RNF130: variants seen among roughly 807,000 people sequenced by gnomAD.
RNF130 encodes the protein E3 ubiquitin-protein ligase RNF130.
In RNF130, 21 loss-of-function variants were observed where a neutral mutation model predicts 44.6. The observed-to-expected ratio is 0.47, with a 90% CI of 0.33 to 0.68. The LOEUF is 0.68. RNF130 is among the 30% of genes least tolerant of loss of function. The probability of loss-of-function intolerance (pLI) is 0.02; values close to 1 mark genes in which losing one functional copy is unlikely to be tolerated. For missense variants in RNF130, 479 were observed against 560.6 expected, an observed-to-expected ratio of 0.85 and a Z score of 1.47; for synonymous variants, 214 against 210.4, an observed-to-expected ratio of 1.02 and a Z score of -0.15.
intron 3 of RNF130, among the ~76,000 whole-genome samples, chr5:179,994,279 T>G (rs929605550): frequency 6.6e-6 from 1 of 152,222 alleles, no homozygotes; most frequent in African/African-American, 2.4e-5. Context: ...GGGGATGGCA[T>G]TGAATCTATA....
intron 2 of RNF130, among the ~76,000 whole-genome samples, chr5:180,034,540 T>C (rs928841960): frequency 6.6e-6 from 1 of 152,246 alleles, no homozygotes; most frequent in Non-Finnish European, 1.5e-5. Flanking sequence ...TACTCAGATA[T>C]GCTATTTTTT....
chr5:180,035,193 C>T (rs1439277136), intron 2 of RNF130, among the ~76,000 whole-genome samples: 1 of 152,300 alleles, frequency 6.6e-6, no homozygotes, highest in East Asian at 1.9e-4. Context: ...CTAAGTACTG[C>T]TTTCCCAGCA....
chr5:180,009,693 A>T (rs1340043712), intron 3 of RNF130, among the ~76,000 whole-genome samples: 3 of 152,228 alleles, frequency 2.0e-5, no homozygotes, highest in Admixed American at 6.5e-5. Flanking sequence ...ATATGCACTT[A>T]TCTTAACAGC....
chr5:179,958,094 G>A (rs1762250320), intron 8 of RNF130, among the ~76,000 whole-genome samples: 1 of 152,016 alleles, frequency 6.6e-6, no homozygotes, highest in Non-Finnish European at 1.5e-5. Flanking sequence ...AGCCGGGATG[G>A]TCTCGATCTC....
chr5:179,925,203 T>C (rs2113672245), intron 7 of RNF130, among the ~76,000 whole-genome samples: 1 of 152,310 alleles, frequency 6.6e-6, no homozygotes, highest in East Asian at 1.9e-4. Context: ...AAGGCAGGAC[T>C]AGAGGCCTGG....
intron 3 of RNF130, among the ~76,000 whole-genome samples, chr5:179,989,059 C>T (rs1102190): frequency 0.47 from 71,898 of 152,026 alleles, 18,129 homozygotes; most frequent in African/African-American, 0.67. Flanking sequence ...AACTCAGTTC[C>T]GCATGGCTAA....
At chr5:180,034,203 TA>T (rs564028581) in intron 2 of RNF130, among the ~76,000 whole-genome samples, 26 of 145,726 alleles carry the variant, frequency 1.8e-4, no homozygotes, top group South Asian at 2.2e-4. Flanking sequence ...TTTTCAGATG[TA>T]AAAAAAAAAA....
At chr5:179,937,929 TGTGTGAGAGAGA>T (rs1282855545) in intron 7 of RNF130, among the ~76,000 whole-genome samples, 35 of 134,646 alleles carry the variant, frequency 2.6e-4, no homozygotes, top group African/African-American at 9.8e-4. Context: ...TGTGTGTGTG[TGTGTGAGAGAGA>T]GAGAGAGAGA....
chr5:179,926,188 C>T (rs949547447), intron 7 of RNF130, among the ~76,000 whole-genome samples: 8 of 152,152 alleles, frequency 5.3e-5, no homozygotes, highest in Non-Finnish European at 7.4e-5. Context: ...CAGTGAACTA[C>T]GTAAACTCCA....
At chr5:179,990,170 C>A (rs57008562) in intron 3 of RNF130, among the ~76,000 whole-genome samples, 30,607 of 152,030 alleles carry the variant, frequency 0.2, 3,302 homozygotes, top group Middle Eastern at 0.25. Context: ...GTAGTGGCCC[C>A]GAATGCCTGG....
chr5:179,943,995 G>A (rs1405766531), intron 7 of RNF130, among the ~76,000 whole-genome samples: 4 of 147,934 alleles, frequency 2.7e-5, no homozygotes, highest in East Asian at 2.0e-4. Flanking sequence ...TTTTTGAGAC[G>A]GAGTCTTGCT....
At chr5:180,067,955 A>G (rs1765144986) in intron 1 of RNF130, among the ~76,000 whole-genome samples, 1 of 152,254 alleles carries the variant, frequency 6.6e-6, no homozygotes, top group African/African-American at 2.4e-5. Context: ...ATTTTTAAAC[A>G]TGAAAACCTA....
intron 3 of RNF130, among the ~76,000 whole-genome samples, chr5:180,005,553 C>G (rs1426058902): frequency 1.3e-5 from 2 of 152,226 alleles, no homozygotes; most frequent in Non-Finnish European, 2.9e-5. Flanking sequence ...CAGCTCAACA[C>G]TCACAAGTCT....
chr5:179,946,704 C>A (rs371975250), intron 7 of RNF130, among the ~76,000 whole-genome samples: 2 of 152,026 alleles, frequency 1.3e-5, no homozygotes, highest in African/African-American at 4.8e-5. Context: ...CAGGCGCCCG[C>A]CACCACGCCC....
chr5:179,925,431 C>T (rs1215242057), intron 7 of RNF130, among the ~76,000 whole-genome samples: 1 of 152,212 alleles, frequency 6.6e-6, no homozygotes, highest in African/African-American at 2.4e-5. Context: ...ATGCCTTGCC[C>T]TACGCATCTG....
At chr5:180,054,751 T>C (rs188028649) in intron 1 of RNF130, among the ~76,000 whole-genome samples, 198 of 152,356 alleles carry the variant, frequency 1.3e-3, no homozygotes, top group Non-Finnish European at 2.1e-3. Context: ...TTTCACAGGA[T>C]GGTCTGAATG....
chr5:179,937,003 G>A (rs971451525), intron 7 of RNF130, among the ~76,000 whole-genome samples: 3 of 152,106 alleles, frequency 2.0e-5, no homozygotes, highest in Admixed American at 6.5e-5. Context: ...GTATAAAACC[G>A]ATGGAAGTTT....
At chr5:179,934,846 C>T (rs568244828) in intron 7 of RNF130, among the ~76,000 whole-genome samples, 13 of 152,210 alleles carry the variant, frequency 8.5e-5, no homozygotes, top group African/African-American at 1.9e-4. Flanking sequence ...CTACCATGCT[C>T]GGCTTGGTTG....
At chr5:179,940,657 A>G (rs1761958806) in intron 7 of RNF130, among the ~76,000 whole-genome samples, 1 of 152,116 alleles carries the variant, frequency 6.6e-6, no homozygotes. Context: ...TGTGCTTCTT[A>G]AAATAACTTA....
Sources: gnomAD v4.1 joint callset for allele counts (sites outside exome capture counted in the v4.1 genomes callset) on GRCh38, gnomAD v4.1.1 for gene constraint, MANE v1.5 for transcripts, NCBI Gene and HGNC (gene_info 2026-07-23, HGNC 2026-07-21) for gene names.